The following CRYBB2 variants were observed in gnomAD, a reference collection of about 807,000 sequenced individuals.
The protein encoded by CRYBB2 is crystallin beta B2, also known as beta-crystallin B2.
In CRYBB2, 12 loss-of-function variants were observed where a neutral mutation model predicts 24.3. The observed-to-expected ratio is 0.49, with a 90% CI of 0.32 to 0.80. The LOEUF (loss-of-function observed/expected upper bound fraction) is 0.80, where lower values mean the gene tolerates loss of function less well. Ranked by LOEUF, CRYBB2 falls within the 30% of genes least tolerant of loss-of-function variation. The pLI, the probability that CRYBB2 is intolerant of heterozygous loss-of-function variation, is 0.04. For synonymous variants in CRYBB2, 98 were observed against 101.6 expected (o/e 0.96, Z 0.21); for missense variants, 198 against 268.5 (o/e 0.74, Z 1.83).
chr22:25,227,709 T>C, intron 3 of CRYBB2, 144 bp from the exon 4 acceptor site: 1 of 1,388,922 alleles, frequency 7.2e-7, no homozygotes, highest in Non-Finnish European at 1.0e-6. Context: ...TTGGATTTGC[T>C]GTGCTAAGGT....
intron 1 of CRYBB2, among the ~76,000 whole-genome samples, chr22:25,214,528 CT>C (rs1935142412): frequency 6.6e-6 from 1 of 152,028 alleles, no homozygotes; most frequent in Non-Finnish European, 1.5e-5. Context: ...TTGGCACCTA[CT>C]TTGAGTGTGG....
At chr22:25,231,477 A>C (rs1935530468) in intron 5 of CRYBB2, 127 bp from the exon 6 acceptor site, 2 of 892,354 alleles carry the variant, frequency 2.2e-6, no homozygotes, top group Non-Finnish European at 3.8e-6. Context: ...GGGAAGTGGC[A>C]ATGGTTGGGA....
chr22:25,225,081 G>T, intron 3 of CRYBB2, 45 bp downstream of exon 3: 1 of 1,063,898 alleles, frequency 9.4e-7, no homozygotes, highest in South Asian at 1.2e-5. Context: ...TTTGGGTGAG[G>T]TGATCAAGTT....
intron 4 of CRYBB2, among the ~76,000 whole-genome samples, 165 bp from the exon 5 acceptor site, chr22:25,229,271 C>T (rs925926571): frequency 5.3e-5 from 8 of 152,278 alleles, no homozygotes; most frequent in Admixed American, 2.6e-4. Context: ...ACTTAACAAA[C>T]GGCTGTGATC....
chr22:25,227,957 C>G lies in CRYBB2; in HGVS notation c.278C>G (p.Ser93Cys). ...DSWTSSRRTD[S>C]LSSLRPIKVD... Reference sequence around the variant, plus strand: ...TGGACCAGCAGCCGAAGGACGGACTCCCTCAGCTCCCTGAGGCCCATCAAA... The same window carrying G: ...TGGACCAGCAGCCGAAGGACGGACTGCCTCAGCTCCCTGAGGCCCATCAAA... Residue 93 changes from serine to cysteine, a missense_variant, in exon 4 of 6, where the codon TCC becomes TGC. Physicochemically the swap from Ser to Cys is moderately radical, Grantham distance 112 (BLOSUM62 -1). Transcript: ENST00000398215. 1.2e-6 allele frequency: 2 copies of G among 1,614,156 alleles called. No homozygotes were observed. The highest frequency in any genetic ancestry group is 8.5e-7 in the Non-Finnish European group (1 of 1,180,022).
chr22:25,227,861 G>T lies in CRYBB2; in HGVS notation c.182G>T (p.Gly61Val). The T allele has an allele frequency of 6.2e-7, 1 of 1,614,114 alleles. No homozygotes were observed. Among genetic ancestry groups the T allele is most frequent in the Non-Finnish European group, 8.5e-7 (1 of 1,180,024 alleles). The change falls in exon 4 of 6, where the codon GGC (glycine) becomes GTC (valine). Residue 61 changes from glycine (G) to valine (V), a missense_variant. Transcript: ENST00000398215. ...CTCTGTCTCCATGGCAGCTGGGTGG[G>T]CTATGAACAGGCCAACTGCAAGGGC... ...SVLVQAGPWV[G>V]YEQANCKGEQ...
In CRYBB2 at chr22:25,221,483, G is replaced by A; in HGVS notation, c.54G>A (p.Lys18=). The A allele has an allele frequency of 6.2e-7, 1 of 1,611,962 alleles. No individual in the cohort carries two copies. Among genetic ancestry groups the A allele is most frequent in the Non-Finnish European group, 8.5e-7 (1 of 1,178,054 alleles). The part of the protein sequence containing the change: ...QAGKPQSLNP[K]IIIFEQENFQ... ...GCAAGCCACAGTCCCTCAACCCCAA[G>A]GTGGGTACCTCTCAGAGGAGGGGGC... Residue 18 remains lysine, a splice_region_variant and synonymous_variant, in exon 2 of 6, where the codon AAG becomes AAA. Coordinates refer to ENST00000398215, the MANE Select transcript of CRYBB2 (RefSeq NM_000496.3).
upstream of CRYBB2, among the ~76,000 whole-genome samples, chr22:25,211,799 G>T (rs1234364958): frequency 1.3e-5 from 2 of 152,160 alleles, no homozygotes; most frequent in African/African-American, 4.8e-5. Context: ...GAGGTTTAGC[G>T]CCAAGAGATC....
In CRYBB2 at chr22:25,231,632, C is replaced by T. The variant is rs1388838236; in HGVS notation, c.478C>T (p.Arg160Cys). ...TWVGYQYPGY[R>C]GLQYLLEKGD... ...GGTTGGCTACCAGTACCCCGGCTAC[C>T]GTGGGCTGCAGTACCTGCTGGAGAA... The change falls in exon 6 of 6, where the codon CGT (arginine) becomes TGT (cysteine). Residue 160 changes from arginine to cysteine, a missense_variant. Arg to Cys is a radical substitution (Grantham distance 180). Transcript: ENST00000398215. The T allele has an allele frequency of 4.3e-6, 7 of 1,614,044 alleles. No individual in the cohort carries two copies. The highest frequency in any genetic ancestry group is 4.0e-5 in the African/African-American group (3 of 74,924).
At chr22:25,218,830 GAA>G (rs1379308526), upstream of CRYBB2, among the ~76,000 whole-genome samples, 3 of 109,478 alleles carry the variant, frequency 2.7e-5, no homozygotes, top group African/African-American at 1.3e-4. Context: ...AAGAAAGAAA[GAA>G]AGAAAGAGAA....
upstream of CRYBB2, among the ~76,000 whole-genome samples, chr22:25,217,194 T>C (rs886798853): frequency 7.0e-6 from 1 of 142,024 alleles, no homozygotes; most frequent in African/African-American, 2.7e-5. Context: ...TTTTTTTTTT[T>C]GAGACAGCCA....
chr22:25,228,997 C>G (rs9612896), intron 4 of CRYBB2, among the ~76,000 whole-genome samples: 2 of 145,752 alleles, frequency 1.4e-5, no homozygotes, highest in African/African-American at 5.2e-5. Flanking sequence ...TGTGGGTGTG[C>G]GTGTGTGTGC....
At chr22:25,226,008 C>T (rs913033022) in intron 3 of CRYBB2, among the ~76,000 whole-genome samples, 4 of 152,210 alleles carry the variant, frequency 2.6e-5, no homozygotes, top group African/African-American at 9.6e-5. Flanking sequence ...ATTTTACACT[C>T]TTCTTCTTTC....
chr22:25,227,798 A>C (rs1439675602), intron 3 of CRYBB2, 55 bp from the exon 4 acceptor site: 8 of 1,612,936 alleles, frequency 5.0e-6, no homozygotes, highest in Middle Eastern at 1.7e-4. Context: ...GGATTCTGCC[A>C]TAGGAAGCTT....
At chr22:25,222,308 A>G (rs1366600363) in intron 2 of CRYBB2, among the ~76,000 whole-genome samples, 2 of 152,244 alleles carry the variant, frequency 1.3e-5, no homozygotes, top group Non-Finnish European at 2.9e-5. Context: ...CAGACAATAA[A>G]TAAATGAATA....
chr22:25,218,829 AG>A (rs1935268596), upstream of CRYBB2, among the ~76,000 whole-genome samples: 1 of 113,478 alleles, frequency 8.8e-6, no homozygotes, highest in Admixed American at 8.0e-5. Context: ...AAAGAAAGAA[AG>A]AAAGAAAGAG....
upstream of CRYBB2, among the ~76,000 whole-genome samples, chr22:25,218,126 G>A (rs902875276): frequency 8.0e-5 from 12 of 150,922 alleles, no homozygotes; most frequent in South Asian, 8.7e-4. Context: ...GGGCGTGTTG[G>A]CGGGCGCCTG....
chr22:25,222,493 CT>C (rs1249866555), intron 2 of CRYBB2, among the ~76,000 whole-genome samples: 4 of 152,102 alleles, frequency 2.6e-5, no homozygotes, highest in African/African-American at 9.7e-5. Context: ...TTGGGGGTGC[CT>C]TTGCCAGGCC....
At chr22:25,222,277 G>A (rs527863470) in intron 2 of CRYBB2, among the ~76,000 whole-genome samples, 1 of 152,294 alleles carries the variant, frequency 6.6e-6, no homozygotes, top group African/African-American at 2.4e-5. Context: ...CCCTTTTAGG[G>A]CTTACTTTCC....
Sources: allele counts gnomAD v4.1 joint callset (sites outside exome capture counted in the v4.1 genomes callset), GRCh38; gene constraint gnomAD v4.1.1; transcripts MANE v1.5; gene names NCBI Gene and HGNC (gene_info 2026-07-23, HGNC 2026-07-21).